Variants in GALNTL6 observed in about 807,000 individuals in gnomAD.
The protein encoded by GALNTL6 is polypeptide N-acetylgalactosaminyltransferase-like 6.
A neutral mutation model predicts 73.7 loss-of-function variants in GALNTL6; 46 were observed. The observed-to-expected ratio is 0.62, with a 90% CI of 0.49 to 0.80. The LOEUF (loss-of-function observed/expected upper bound fraction) is 0.80, where lower values mean the gene tolerates loss of function less well. GALNTL6 is among the 30% of genes least tolerant of loss of function. The pLI is 0.00. For missense variants in GALNTL6, 604 were observed against 755.0 expected, an observed-to-expected ratio of 0.80 and a Z score of 2.34; for synonymous variants, 259 against 263.7, an observed-to-expected ratio of 0.98 and a Z score of 0.17.
At chr4:172,786,936 T>C (rs1488825064) in intron 5 of GALNTL6, among the ~76,000 whole-genome samples, 2 of 152,214 alleles carry the variant, frequency 1.3e-5, no homozygotes, top group East Asian at 3.8e-4. Flanking sequence ...ACAGTTTGAA[T>C]TGTTCCCCTG....
chr4:172,890,268 TTTCA>T (rs1745959666), intron 8 of GALNTL6, among the ~76,000 whole-genome samples: 1 of 152,178 alleles, frequency 6.6e-6, no homozygotes, highest in Non-Finnish European at 1.5e-5. Context: ...TCTGCTCTGA[TTTCA>T]TTATTTATTT....
In GALNTL6 at chr4:172,698,031, C is replaced by T. The variant is rs150118751; in HGVS notation, c.554-111330C>T. On this transcript the variant is annotated intron_variant, in intron 5 of 12. Transcript: ENST00000506823. ...TAATTCTGTAATTCAGCTGTTCAAT[C>T]CTATGTGACAATAGAAACTCTCTAG... Among the ~76,000 whole-genome samples, 226 of 152,238 alleles carry T rather than the reference C, an allele frequency of 1.5e-3. 2 individuals are homozygous for T. The South Asian group carries it at 0.021, about 14-fold the overall frequency.
chr4:172,945,687 C>T (rs1749134019), intron 9 of GALNTL6, among the ~76,000 whole-genome samples: 1 of 152,198 alleles, frequency 6.6e-6, no homozygotes, highest in Non-Finnish European at 1.5e-5. Flanking sequence ...CTACAAACAG[C>T]TCACACAGCC....
intron 5 of GALNTL6, among the ~76,000 whole-genome samples, chr4:172,558,056 TA>T (rs1314153542): frequency 6.6e-6 from 1 of 152,094 alleles, no homozygotes; most frequent in Admixed American, 6.5e-5. Context: ...GCAATACTAC[TA>T]AACAATATAA....
chr4:172,831,157 C>CAAAAAAAAAAAAAAAAAAAAAAA (rs60870698), intron 7 of GALNTL6, among the ~76,000 whole-genome samples: 1 of 63,882 alleles, frequency 1.6e-5, no homozygotes, highest in Non-Finnish European at 2.8e-5. Flanking sequence ...GACTCCCTCT[C>CAAAAAAAAAAAAAAAAAAAAAAA]AAAAAAAAAA....
intron 7 of GALNTL6, among the ~76,000 whole-genome samples, chr4:172,870,217 A>G (rs1235702426): frequency 1.3e-5 from 2 of 152,114 alleles, no homozygotes; most frequent in African/African-American, 2.4e-5. Context: ...GAACAAATTT[A>G]TGTTTAAATT....
chr4:172,827,277 T>A (rs777595507), intron 7 of GALNTL6, among the ~76,000 whole-genome samples: 16 of 152,178 alleles, frequency 1.1e-4, no homozygotes, highest in Non-Finnish European at 2.1e-4. Flanking sequence ...TGCTTCATAG[T>A]GCAGGTTCTC....
chr4:172,538,226 T>C (rs903810115), intron 5 of GALNTL6, among the ~76,000 whole-genome samples: 1 of 151,922 alleles, frequency 6.6e-6, no homozygotes, highest in African/African-American at 2.4e-5. Flanking sequence ...TTTGGGAGAC[T>C]GAGGTGGGCA....
chr4:172,312,986 C>A (rs923376806), intron 4 of GALNTL6, among the ~76,000 whole-genome samples: 1 of 152,106 alleles, frequency 6.6e-6, no homozygotes, highest in African/African-American at 2.4e-5. Flanking sequence ...TACAGTAATT[C>A]TCACTGACCA....
chr4:171,925,031 T>C (rs1737936433), intron 2 of GALNTL6, among the ~76,000 whole-genome samples: 1 of 152,146 alleles, frequency 6.6e-6, no homozygotes, highest in Non-Finnish European at 1.5e-5. Flanking sequence ...ACACCAAAGA[T>C]ATGTGAATGA....
chr4:172,205,300 C>T (rs890391653), intron 2 of GALNTL6, among the ~76,000 whole-genome samples: 2 of 152,016 alleles, frequency 1.3e-5, no homozygotes, highest in African/African-American at 4.8e-5. Flanking sequence ...TCCATAATAG[C>T]AAATTTAGTA....
chr4:171,814,524 A>T lies in GALNTL6; in HGVS notation c.-57A>T. On this transcript the variant is annotated 5_prime_UTR_variant, in exon 2 of 13. Coordinates refer to ENST00000506823, the MANE Select transcript of GALNTL6 (RefSeq NM_001034845.3). Reference sequence around the variant, plus strand: ...AGAGGAAAGGAATTTGACATTAAACACAAGAAGCAGTCAGGGAGCCATCTC... The same window carrying T: ...AGAGGAAAGGAATTTGACATTAAACTCAAGAAGCAGTCAGGGAGCCATCTC... 2 of 1,589,112 alleles carry T rather than the reference A, an allele frequency of 1.3e-6. No homozygotes were observed. Among genetic ancestry groups the T allele is most frequent in the Admixed American group, 3.5e-5 (2 of 57,604 alleles).
At chr4:172,992,977 GT>G (rs987702626) in intron 10 of GALNTL6, among the ~76,000 whole-genome samples, 8 of 152,088 alleles carry the variant, frequency 5.3e-5, no homozygotes, top group Admixed American at 2.6e-4. Context: ...CAGCTTGGAG[GT>G]TAGAAGTGAG....
chr4:172,054,240 C>T (rs1027759), intron 2 of GALNTL6, among the ~76,000 whole-genome samples: 120,381 of 152,040 alleles, frequency 0.79, 48,197 homozygotes, highest in Non-Finnish European at 0.85. Flanking sequence ...GATATTAGAA[C>T]AATTCTTATC....
chr4:172,758,779 G>A (rs907212722), intron 5 of GALNTL6, among the ~76,000 whole-genome samples: 2 of 152,162 alleles, frequency 1.3e-5, no homozygotes, highest in Admixed American at 1.3e-4. Flanking sequence ...GCATATCCAT[G>A]ATGTAAACAC....
intron 11 of GALNTL6, among the ~76,000 whole-genome samples, chr4:173,012,269 G>C (rs1180046211): frequency 6.6e-6 from 1 of 152,120 alleles, no homozygotes; most frequent in Non-Finnish European, 1.5e-5. Context: ...AACTAGAAAA[G>C]GTCCACCATG....
At chr4:172,066,028 C>A (rs1371202739) in intron 2 of GALNTL6, among the ~76,000 whole-genome samples, 3 of 152,166 alleles carry the variant, frequency 2.0e-5, no homozygotes, top group African/African-American at 7.2e-5. Flanking sequence ...ACACCAATAA[C>A]CTCCCTCATT....
At chr4:172,084,460 C>A (rs567200671) in intron 2 of GALNTL6, among the ~76,000 whole-genome samples, 2 of 152,192 alleles carry the variant, frequency 1.3e-5, no homozygotes, top group East Asian at 3.9e-4. Flanking sequence ...TAAAACAAAC[C>A]TATATTACAA....
intron 2 of GALNTL6, among the ~76,000 whole-genome samples, chr4:172,000,173 AT>A (rs1740626987): frequency 6.6e-6 from 1 of 152,186 alleles, no homozygotes. Context: ...CCATAGAACA[AT>A]AAAAGAATTT....
Sources: gnomAD v4.1 joint callset for allele counts (sites outside exome capture counted in the v4.1 genomes callset) on GRCh38, gnomAD v4.1.1 for gene constraint, MANE v1.5 for transcripts, NCBI Gene and HGNC (gene_info 2026-07-23, HGNC 2026-07-21) for gene names.